Variants in SFI1 observed in about 807,000 individuals in gnomAD.
The protein encoded by SFI1 is SFI1 centrin binding protein.
Under a neutral mutation model 207.5 loss-of-function variants are expected in SFI1, and 195 were observed. The observed-to-expected ratio is 0.94, with a 90% CI of 0.84 to 1.06. The LOEUF (loss-of-function observed/expected upper bound fraction) is 1.06. Ranked by LOEUF, SFI1 falls within the 50% of genes least tolerant of loss-of-function variation. The probability of loss-of-function intolerance (pLI) is 0.00; values close to 1 mark genes in which losing one functional copy is unlikely to be tolerated. For synonymous variants in SFI1, 630 were observed against 598.9 expected (o/e 1.05, Z -0.76); for missense variants, 1,634 against 1,588.0 (o/e 1.03, Z -0.49).
rs1003313460 is a variant in SFI1, at chr22:31,585,085, A to G, written c.1364A>G (p.Lys455Arg). ...WDHYRIALLC[K>R]CIELWLQYTQ... ...TGTTTCAGAATAGCACTGCTGTGCA[A>G]ATGTATCGAATTGTGGCTACAGTAT... Residue 455 changes from lysine to arginine, a missense_variant, in exon 14 of 33, where the codon AAA (lysine) becomes AGA (arginine). Coordinates refer to ENST00000400288, the MANE Select transcript of SFI1 (RefSeq NM_001007467.3). 15 of 1,613,988 alleles carry G rather than the reference A, an allele frequency of 9.3e-6. No homozygotes were observed. The Middle Eastern group carries it at 4.9e-4, about 53-fold the overall frequency.
At chr22:31,498,820 A>G (rs1294795080) in intron 1 of SFI1, among the ~76,000 whole-genome samples, 6 of 151,560 alleles carry the variant, frequency 4.0e-5, no homozygotes, top group Non-Finnish European at 7.4e-5. Flanking sequence ...CTGCAACCTC[A>G]TGATAAAACT....
intron 1 of SFI1, among the ~76,000 whole-genome samples, chr22:31,506,072 CAG>C (rs2054587524): frequency 6.8e-6 from 1 of 147,012 alleles, no homozygotes. Flanking sequence ...TTTTCTGAGA[CAG>C]AGTCTTGCTC....
At chr22:31,602,414 T>C in intron 16 of SFI1, 121 bp downstream of exon 16, 1 of 1,183,652 alleles carries the variant, frequency 8.4e-7, no homozygotes, top group South Asian at 1.3e-5. Context: ...TGCCTGTGAC[T>C]GTTGAGGCAG....
At chr22:31,539,398 T>C (rs879386471) in intron 4 of SFI1, among the ~76,000 whole-genome samples, 1 of 152,190 alleles carries the variant, frequency 6.6e-6, no homozygotes, top group African/African-American at 2.4e-5. Flanking sequence ...GTGTCACCTA[T>C]TGAGTTTGTT....
intron 14 of SFI1, among the ~76,000 whole-genome samples, chr22:31,586,059 C>G (rs1439258613): frequency 6.6e-6 from 1 of 152,086 alleles, no homozygotes; most frequent in Non-Finnish European, 1.5e-5. Flanking sequence ...CAAACTCCTT[C>G]GGGAGCTGGT....
At chr22:31,550,026 G>A (rs1321838607) in intron 5 of SFI1, among the ~76,000 whole-genome samples, 2 of 151,672 alleles carry the variant, frequency 1.3e-5, no homozygotes, top group Admixed American at 6.6e-5. Flanking sequence ...CCACCTCCTG[G>A]GTTCAAGTGA....
At chr22:31,585,774 T>C (rs1242312230) in intron 14 of SFI1, among the ~76,000 whole-genome samples, 2 of 152,204 alleles carry the variant, frequency 1.3e-5, no homozygotes, top group African/African-American at 4.8e-5. Context: ...CTGTCTGGAA[T>C]GTTGAAGTGA....
At chr22:31,551,014 C>G (rs1426770690) in intron 6 of SFI1, among the ~76,000 whole-genome samples, 1 of 152,128 alleles carries the variant, frequency 6.6e-6, no homozygotes, top group Non-Finnish European at 1.5e-5. Flanking sequence ...TTCCTCATGC[C>G]TCATGTCATC....
intron 23 of SFI1, 24 bp from the exon 24 acceptor site, chr22:31,611,742 C>G (rs774382048): frequency 1.9e-6 from 3 of 1,609,584 alleles, no homozygotes; most frequent in Non-Finnish European, 2.5e-6. Flanking sequence ...GGACGCCACT[C>G]TCTGTGCACT....
At chr22:31,542,964 A>AT (rs918011254) in intron 4 of SFI1, among the ~76,000 whole-genome samples, 6 of 121,376 alleles carry the variant, frequency 4.9e-5, no homozygotes, top group South Asian at 2.6e-4. Context: ...GCCTGACTTA[A>AT]TTTTTTTTTT....
intron 1 of SFI1, chr22:31,497,157 A>G (rs1043592407): frequency 2.6e-5 from 4 of 152,192 alleles, no homozygotes; most frequent in African/African-American, 9.7e-5. Context: ...CAGGTTTCTT[A>G]ACTGCTGTGT....
At chr22:31,543,325 C>G (rs578256915) in intron 4 of SFI1, among the ~76,000 whole-genome samples, 5 of 152,276 alleles carry the variant, frequency 3.3e-5, no homozygotes, top group Middle Eastern at 3.4e-3. Context: ...TAATCACTTT[C>G]TGAGGCATCT....
intron 21 of SFI1, 149 bp downstream of exon 21, chr22:31,606,579 C>G (rs574072466): frequency 4.4e-5 from 26 of 590,328 alleles, no homozygotes; most frequent in Non-Finnish European, 7.8e-5. Context: ...ACACAAACAT[C>G]CATGTGGGCA....
chr22:31,530,607 A>C (rs1043312733), intron 3 of SFI1: 5 of 470,542 alleles, frequency 1.1e-5, no homozygotes, highest in Non-Finnish European at 1.8e-5. Flanking sequence ...CACAGTGCAG[A>C]GGGAATGACA....
chr22:31,611,165 G>A lies in SFI1; in HGVS notation c.2277G>A (p.Gln759=), dbSNP rs1338753475. The A allele has an allele frequency of 3.1e-6, 5 of 1,614,200 alleles. No homozygotes were observed. The highest frequency in any genetic ancestry group is 4.2e-6 in the Non-Finnish European group (5 of 1,180,050). The change falls in exon 23 of 33, where the codon CAG becomes CAA. Residue 759 remains glutamine (Q), a synonymous_variant. Coordinates refer to ENST00000400288, the MANE Select transcript of SFI1 (RefSeq NM_001007467.3). ...LDRGCLRTWF[Q]RWWDCSRRSA... ...TAGGCTGTCTGCGGACCTGGTTTCA[G>A]CGCTGGTGGGACTGCAGCCGGAGGT...
intron 8 of SFI1, among the ~76,000 whole-genome samples, chr22:31,564,814 A>ATTTTTTTTT (rs776647555): frequency 0.055 from 6,135 of 111,586 alleles, 655 homozygotes; most frequent in African/African-American, 0.15. Context: ...CTGGCCCAGA[A>ATTTTTTTTT]TTTTTTTTTT....
chr22:31,532,382 G>C (rs1051306442), intron 4 of SFI1, among the ~76,000 whole-genome samples: 3 of 152,218 alleles, frequency 2.0e-5, no homozygotes, highest in Non-Finnish European at 4.4e-5. Flanking sequence ...GCAAGAGAGA[G>C]TCACAGGAGT....
At chr22:31,604,635 G>C in intron 19 of SFI1, 1 of 587,074 alleles carries the variant, frequency 1.7e-6, no homozygotes, top group Non-Finnish European at 3.0e-6. Flanking sequence ...AGCGAAAGCA[G>C]CTCCTTTCCC....
chr22:31,554,101 G>T (rs1602603343), intron 6 of SFI1, among the ~76,000 whole-genome samples: 1 of 151,594 alleles, frequency 6.6e-6, no homozygotes, highest in South Asian at 2.1e-4. Context: ...GCTTCCCAAA[G>T]CCCTGGGATT....
Sources: gnomAD v4.1 joint callset for allele counts (sites outside exome capture counted in the v4.1 genomes callset) on GRCh38, gnomAD v4.1.1 for gene constraint, MANE v1.5 for transcripts, NCBI Gene and HGNC (gene_info 2026-07-23, HGNC 2026-07-21) for gene names.